Variants in RMND5A observed in about 807,000 individuals in gnomAD.
The protein encoded by RMND5A is E3 ubiquitin-protein transferase RMND5A.
RMND5A carries 17 observed loss-of-function variants against 49.7 expected under a neutral mutation model. The ratio of observed to expected loss-of-function variants is 0.34; its 90% confidence interval spans 0.23 to 0.51. The LOEUF is 0.51. RMND5A is among the 20% of genes least tolerant of loss of function. RMND5A has a pLI of 0.96. For missense variants in RMND5A, 255 were observed against 471.3 expected, an observed-to-expected ratio of 0.54 and a Z score of 4.25; for synonymous variants, 156 against 167.7, an observed-to-expected ratio of 0.93 and a Z score of 0.54.
At chr2:86,748,948 C>G (rs1169091346) in intron 2 of RMND5A, among the ~76,000 whole-genome samples, 1 of 152,166 alleles carries the variant, frequency 6.6e-6, no homozygotes, top group Non-Finnish European at 1.5e-5. Flanking sequence ...AGTGAGAGAA[C>G]TTTCTTAATT....
chr2:86,766,048 T>C lies in RMND5A; in HGVS notation c.854+24T>C, dbSNP rs1255208955. 3 of 1,600,740 alleles carry C rather than the reference T, an allele frequency of 1.9e-6. No homozygotes were observed. The Admixed American group carries it at 5.1e-5, about 27-fold the overall frequency. On this transcript the variant is annotated intron_variant, in intron 6 of 8. Transcript: ENST00000283632. ...AGGTATGGAAATTAGCCCTGTCTGT[T>C]ATTGAAGTATGCACTGCATTATCAC...
At chr2:86,761,784 T>C (rs1418098560) in intron 4 of RMND5A, among the ~76,000 whole-genome samples, 3 of 152,238 alleles carry the variant, frequency 2.0e-5, no homozygotes, top group Non-Finnish European at 4.4e-5. Context: ...TACTTACTTT[T>C]CTAAATATTT....
chr2:86,752,487 CAT>C (rs771001680), intron 3 of RMND5A, among the ~76,000 whole-genome samples: 2 of 152,234 alleles, frequency 1.3e-5, no homozygotes, highest in Non-Finnish European at 2.9e-5. Context: ...TTCTATCACA[CAT>C]GAGTTAGAAC....
Position 86,774,373 on chromosome 2 carries a change from C to T in RMND5A, c.*962C>T, listed in dbSNP as rs1029198518. On this transcript the variant is annotated 3_prime_UTR_variant, in exon 9 of 9. Transcript: ENST00000283632. ...TCTAAAATGCAGTTACCAGACCCATCACTTTAAATCCTTAAAGTTAGAAGC... is the reference window on the plus strand; with the variant it reads ...TCTAAAATGCAGTTACCAGACCCATTACTTTAAATCCTTAAAGTTAGAAGC... 1 of 152,632 alleles carries T rather than the reference C, an allele frequency of 6.6e-6. No individual in the cohort carries two copies. The highest frequency in any genetic ancestry group is 1.5e-5 in the Non-Finnish European group (1 of 68,030). The allele number at this position is 152,632 out of a possible 1,614,324, so 9.5% of individuals were successfully genotyped here.
At chr2:86,762,760 G>T (rs1395314780) in intron 4 of RMND5A, among the ~76,000 whole-genome samples, 4 of 143,892 alleles carry the variant, frequency 2.8e-5, no homozygotes, top group Non-Finnish European at 4.5e-5. Context: ...ACACTTTCAA[G>T]CTGAGCACAA....
At chr2:86,758,430 G>A (rs1231667344) in intron 4 of RMND5A, among the ~76,000 whole-genome samples, 1 of 151,846 alleles carries the variant, frequency 6.6e-6, no homozygotes, top group Non-Finnish European at 1.5e-5. Flanking sequence ...TATTTAGCCA[G>A]TTCCTATGGA....
chr2:86,766,661 CAAAAAAAAAAAAAAAAA>C (rs59511898), intron 6 of RMND5A, among the ~76,000 whole-genome samples: 1 of 77,018 alleles, frequency 1.3e-5, no homozygotes, highest in Non-Finnish European at 2.7e-5. Context: ...GAGACTGTCT[CAAAAAAAAAAAAAAAAA>C]AAAAGAAAAG....
Position 86,722,599 on chromosome 2 carries a change from TG to T in RMND5A, c.142+1793del, listed in dbSNP as rs1225695434. Among the ~76,000 whole-genome samples the T allele has an allele frequency of 7.7e-5, 11 of 142,964 alleles. 3 individuals carry two copies. Among genetic ancestry groups the T allele is most frequent in the Non-Finnish European group, 1.6e-4 (10 of 64,136 alleles). 93.8% of individuals were successfully genotyped at this position (142,964 alleles called of 152,430 possible). On this transcript the variant is annotated intron_variant, in intron 1 of 8. Transcript: ENST00000283632. ...GAAAAATTCGATGTGAACCGAGGTG[TG>T]GGAAATCCAGTACAGCGGTGGGAGG... is the stretch of plus-strand genomic sequence containing the variant.
At chr2:86,742,477 T>G (rs1215564217) in intron 2 of RMND5A, among the ~76,000 whole-genome samples, 1 of 144,240 alleles carries the variant, frequency 6.9e-6, no homozygotes, top group African/African-American at 2.6e-5. Flanking sequence ...ATTTGAAGTC[T>G]TCAGTTGGTT....
At chr2:86,770,942 C>T (rs991331410) in intron 7 of RMND5A, among the ~76,000 whole-genome samples, 7 of 152,180 alleles carry the variant, frequency 4.6e-5, no homozygotes, top group Non-Finnish European at 1.0e-4. Context: ...AGCTAACATA[C>T]GCATTTGTTT....
chr2:86,770,907 C>CA (rs1263122346), intron 7 of RMND5A, among the ~76,000 whole-genome samples: 1 of 152,232 alleles, frequency 6.6e-6, no homozygotes, highest in African/African-American at 2.4e-5. Context: ...TCGTTCCTGT[C>CA]ATGATTGTGT....
In RMND5A at chr2:86,776,662, T is replaced by G. The variant is rs1421464089; in HGVS notation, c.*3251T>G. 1 of 152,236 alleles carries G rather than the reference T, an allele frequency of 6.6e-6. No homozygotes were observed. Among genetic ancestry groups the G allele is most frequent in the Non-Finnish European group, 1.5e-5 (1 of 68,036 alleles). The allele number at this position is 152,236 out of a possible 1,614,324, so 9.4% of individuals were successfully genotyped here. A position where few individuals can be genotyped will look rare whatever the true frequency, so the allele number is the denominator to read the frequency against. On this transcript the variant is annotated 3_prime_UTR_variant, in exon 9 of 9. Coordinates refer to ENST00000283632, the MANE Select transcript of RMND5A (RefSeq NM_022780.4). The stretch of plus-strand genomic sequence containing the variant: ...AGCTGCTGGTAGACTACATTAGCCC[T>G]CTGGTTTTCCAGCTCAACCTCTGAT...
At position 86,776,869 on chromosome 2, in the gene RMND5A, A is replaced by G. The variant is rs1672780065; in HGVS notation, c.*3458A>G. The stretch of plus-strand genomic sequence containing the variant: ...GTACTTTATCTCTGGTAACACTAGA[A>G]TGCTGTGGTCTTGAGGGAATGTTAG... On this transcript the variant is annotated 3_prime_UTR_variant, in exon 9 of 9. Transcript: ENST00000283632. 1 of 152,224 alleles carries G rather than the reference A, an allele frequency of 6.6e-6. No homozygotes were observed. Among genetic ancestry groups the G allele is most frequent in the African/African-American group, 2.4e-5 (1 of 41,444 alleles). 9.4% of individuals were successfully genotyped at this position (152,224 alleles called of 1,614,324 possible). A position where few individuals can be genotyped will look rare whatever the true frequency, so the allele number is the denominator to read the frequency against.
chr2:86,771,703 A>G lies in RMND5A; in HGVS notation c.1103A>G (p.Asn368Ser), dbSNP rs1672688482. 1.9e-6 allele frequency: 3 copies of G among 1,605,192 alleles called. No homozygotes were observed. The highest frequency in any genetic ancestry group is 2.2e-5 in the South Asian group (2 of 89,754). ...AGAGATGCCCTGAATAAAATGTTTA[A>G]TGGTAGCAAGTAAGTGTCTGACTTT... The part of the protein sequence containing the change: ...ISRDALNKMF[N>S]GSKLKCPYCP... Residue 368 changes from asparagine to serine, a missense_variant, in exon 8 of 9, where the codon AAT (asparagine) becomes AGT (serine). Coordinates refer to ENST00000283632, the MANE Select transcript of RMND5A (RefSeq NM_022780.4).
chr2:86,720,514 C>T lies in RMND5A; in HGVS notation c.-154C>T, dbSNP rs1428050788. ...GGGCTCCGGCTGCGCGGGGCTCCCC[C>T]GGCGCCGCGGCTAGTGCGCCCGCCG... On this transcript the variant is annotated 5_prime_UTR_variant, in exon 1 of 9. Transcript: ENST00000283632. 3 of 385,016 alleles carry T rather than the reference C, an allele frequency of 7.8e-6. No individual in the cohort carries two copies. Among genetic ancestry groups the T allele is most frequent in the East Asian group, 6.0e-5 (1 of 16,742 alleles). 23.8% of individuals were successfully genotyped at this position (385,016 alleles called of 1,614,324 possible). A position where few individuals can be genotyped will look rare whatever the true frequency, so the allele number is the denominator to read the frequency against.
At chr2:86,767,820 TAAG>T (rs1367919759) in intron 6 of RMND5A, among the ~76,000 whole-genome samples, 2 of 152,180 alleles carry the variant, frequency 1.3e-5, no homozygotes, top group Non-Finnish European at 2.9e-5. Context: ...CGTGTGGTAT[TAAG>T]GAGGAGTATC....
rs1354975489 is a variant in RMND5A, at chr2:86,771,635, T to C, written c.1035T>C (p.Asp345=). 6.2e-7 allele frequency: 1 copy of C among 1,613,724 alleles called. No individual in the cohort carries two copies. Among genetic ancestry groups the C allele is most frequent in the South Asian group, 1.1e-5 (1 of 91,066 alleles). The change falls in exon 8 of 9, where the codon GAT becomes GAC. Residue 345 remains aspartate (D), a synonymous_variant. Transcript: ENST00000283632. The stretch of plus-strand genomic sequence containing the variant: ...CCATTCTTCGTCAGCAAACAACAGA[T>C]AACAATCCACCCATGAAATTGGTCT... ...ACPILRQQTT[D]NNPPMKLVCG... is the part of the protein sequence containing the mutation.
intron 2 of RMND5A, among the ~76,000 whole-genome samples, chr2:86,751,321 G>A (rs1681629139): frequency 1.3e-5 from 2 of 152,122 alleles, no homozygotes; most frequent in Admixed American, 1.3e-4. Context: ...CTAGGAATTA[G>A]GTCTATTCCC....
chr2:86,747,195 A>G (rs12997796), intron 2 of RMND5A, among the ~76,000 whole-genome samples: 22,324 of 152,196 alleles, frequency 0.15, 1,826 homozygotes, highest in Non-Finnish European at 0.19. Context: ...TCAGACTTCA[A>G]ATGTTTAAAG....
Sources: gnomAD v4.1 joint callset for allele counts (sites outside exome capture counted in the v4.1 genomes callset) on GRCh38, gnomAD v4.1.1 for gene constraint, MANE v1.5 for transcripts, NCBI Gene and HGNC (gene_info 2026-07-23, HGNC 2026-07-21) for gene names.